BCAP31: variants seen among roughly 807,000 people sequenced by gnomAD.
BCAP31 encodes B-cell receptor-associated protein 31.
For synonymous variants in BCAP31, 75 were observed against 80.9 expected, an observed-to-expected ratio of 0.93 and a Z score of 0.39; for missense variants, 124 against 193.0, an observed-to-expected ratio of 0.64 and a Z score of 2.12.
chrX:153,711,463 C>T (rs1368870892), intron 4 of BCAP31, among the ~76,000 whole-genome samples: 3 of 112,545 alleles, frequency 2.7e-5, no homozygotes, highest in Non-Finnish European at 5.6e-5. Context: ...ACTAGGCAGG[C>T]TCTCTACCAC....
intron 3 of BCAP31, among the ~76,000 whole-genome samples, chrX:153,715,915 T>C: frequency 9.2e-6 from 1 of 108,832 alleles, no homozygotes; most frequent in East Asian, 2.9e-4. Flanking sequence ...CTCAGCACTT[T>C]GGGAGGCAGA....
At chrX:153,713,818 T>A (rs1557049563) in intron 4 of BCAP31, among the ~76,000 whole-genome samples, 6 of 107,544 alleles carry the variant, frequency 5.6e-5, no homozygotes, top group Admixed American at 5.0e-4. Flanking sequence ...TGCCTTCTCC[T>A]CACTTCTCCA....
chrX:153,715,021 CA>C (rs1557049828), intron 4 of BCAP31, among the ~76,000 whole-genome samples: 1 of 111,517 alleles, frequency 9.0e-6, no homozygotes, highest in Non-Finnish European at 1.9e-5. Context: ...TTAGTTTTAC[CA>C]AAAAAATCAT....
At chrX:153,703,869 G>C in intron 5 of BCAP31, 90 bp downstream of exon 5, 7 of 1,132,515 alleles carry the variant, frequency 6.2e-6, no homozygotes, top group Non-Finnish European at 8.4e-6. Context: ...CAGCGTGACA[G>C]GCTAGCAGTG....
At chrX:153,719,623 G>A (rs2091651386) in intron 3 of BCAP31, among the ~76,000 whole-genome samples, 1 of 111,232 alleles carries the variant, frequency 9.0e-6, no homozygotes, top group Admixed American at 9.5e-5. Flanking sequence ...CACCCGCTCA[G>A]TGTTTCTGCT....
At chrX:153,707,372 TA>T (rs376704246) in intron 4 of BCAP31, among the ~76,000 whole-genome samples, 66 of 92,136 alleles carry the variant, frequency 7.2e-4, no homozygotes, top group East Asian at 7.2e-4. Context: ...CAAGTATAGC[TA>T]AAAAAAAAAA....
chrX:153,723,478 C>T, intron 1 of BCAP31, 190 bp from the exon 2 acceptor site: 2 of 1,151,044 alleles, frequency 1.7e-6, no homozygotes, highest in Non-Finnish European at 1.2e-6. Flanking sequence ...GTTCACAGGC[C>T]CCACAAACTT....
intron 3 of BCAP31, among the ~76,000 whole-genome samples, chrX:153,720,347 G>A (rs949579660): frequency 1.1e-4 from 11 of 104,476 alleles, no homozygotes; most frequent in Admixed American, 8.2e-4. Context: ...ATAAGCCCAC[G>A]CCCACTGCTA....
intron 3 of BCAP31, among the ~76,000 whole-genome samples, chrX:153,717,308 G>A (rs782470120): frequency 8.9e-5 from 10 of 112,396 alleles, no homozygotes; most frequent in African/African-American, 2.3e-4. Flanking sequence ...ATTGAGCCAC[G>A]CCAAACCTAC....
At chrX:153,711,468 T>C (rs782755169) in intron 4 of BCAP31, among the ~76,000 whole-genome samples, 2 of 112,496 alleles carry the variant, frequency 1.8e-5, no homozygotes, top group South Asian at 7.3e-4. Context: ...GCAGGCTCTC[T>C]ACCACGCAGA....
In BCAP31 at chrX:153,703,998, C is replaced by T. The variant is rs1557047921; in HGVS notation, c.438G>A (p.Ala146=). The T allele has an allele frequency of 5.8e-6, 7 of 1,211,791 alleles. No individual in the cohort carries two copies. Among genetic ancestry groups the T allele is most frequent in the East Asian group, 3.0e-5 (1 of 33,843 alleles). ...CATTCTCCTCCATGTACTTCTTGGC[C>T]GCCTCACTAGCACTCTCCGCCTGCT... ...FKKQAESASE[A]AKKYMEENDQ... Residue 146 remains alanine (A), a synonymous_variant, in exon 5 of 8, where the codon GCG becomes GCA. Transcript: ENST00000345046.
In BCAP31 at chrX:153,700,838, G is replaced by C. The variant is rs1346673330; in HGVS notation, c.*99C>G. ...TGGAAGGGAATGGGGGAAGCAGAAG[G>C]GCACAAACAGAAGTACTGGAGGGAG... On this transcript the variant is annotated 3_prime_UTR_variant, in exon 8 of 8. Coordinates refer to ENST00000345046, the MANE Select transcript of BCAP31 (RefSeq NM_001256447.2). 2 of 856,794 alleles carry C rather than the reference G, an allele frequency of 2.3e-6. No individual in the cohort carries two copies. Among genetic ancestry groups the C allele is most frequent in the African/African-American group, 4.1e-5 (2 of 49,253 alleles). The allele number at this position is 856,794 out of a possible 1,213,427, so 70.6% of individuals were successfully genotyped here.
Position 153,715,682 on chromosome X carries a change from C to T in BCAP31, c.201G>A (p.Val67=). 1 of 1,211,578 alleles carries T rather than the reference C, an allele frequency of 8.3e-7. No homozygotes were observed. Among genetic ancestry groups the T allele is most frequent in the Non-Finnish European group, 1.1e-6 (1 of 895,326 alleles). ...CATCATCATACTTCCGAATTTCGCG[C>T]ACGGCATCTGTGGTGGAGCAGAGAG... The part of the protein sequence containing the change: ...VILVLLVIDA[V]REIRKYDDVT... Residue 67 remains valine (V), a synonymous_variant, in exon 4 of 8, where the codon GTG becomes GTA. Transcript: ENST00000345046.
intron 4 of BCAP31, among the ~76,000 whole-genome samples, chrX:153,708,045 G>A (rs2002303423): frequency 8.9e-6 from 1 of 112,806 alleles, no homozygotes; most frequent in African/African-American, 3.2e-5. Flanking sequence ...CAGATACAGG[G>A]TGGTCACCAA....
At chrX:153,723,509 TG>T (rs1557051542) in intron 1 of BCAP31, 1 of 1,160,328 alleles carries the variant, frequency 8.6e-7, no homozygotes, top group Non-Finnish European at 1.2e-6. Context: ...GTCAATTACC[TG>T]CCCCCTCCAG....
At chrX:153,703,743 A>T (rs2091534900) in intron 5 of BCAP31, among the ~76,000 whole-genome samples, 1 of 112,041 alleles carries the variant, frequency 8.9e-6, no homozygotes, top group South Asian at 3.7e-4. Flanking sequence ...GAGAGCAGCA[A>T]CACCCTCCTC....
intron 7 of BCAP31, among the ~76,000 whole-genome samples, 177 bp from the exon 8 acceptor site, chrX:153,701,152 G>A (rs1287790656): frequency 1.8e-5 from 2 of 112,074 alleles, no homozygotes; most frequent in Non-Finnish European, 3.8e-5. Context: ...GGGTGGGAGC[G>A]TCAGCCCTGG....
At chrX:153,717,979 A>G (rs1557050386) in intron 3 of BCAP31, among the ~76,000 whole-genome samples, 1 of 112,114 alleles carries the variant, frequency 8.9e-6, no homozygotes, top group East Asian at 2.8e-4. Flanking sequence ...GCACAACCAC[A>G]TGAGAGAATA....
Position 153,715,409 on chromosome X carries a change from G to C in BCAP31, c.341+133C>G, listed in dbSNP as rs1483710368. The C allele has an allele frequency of 4.1e-6, 4 of 973,610 alleles. No individual in the cohort carries two copies. The African/African-American group carries it at 7.8e-5, about 19-fold the overall frequency. The allele number at this position is 973,610 out of a possible 1,213,427, so 80.2% of individuals were successfully genotyped here. On this transcript the variant is annotated intron_variant, in intron 4 of 7. Transcript: ENST00000345046. The stretch of plus-strand genomic sequence containing the variant: ...CTATGTGGCTTCCCTAACACAGACA[G>C]GGCTTTGGGATCCAGGCCACAGACT...
Sources: gnomAD v4.1 joint callset for allele counts (sites outside exome capture counted in the v4.1 genomes callset) on GRCh38, gnomAD v4.1.1 for gene constraint, MANE v1.5 for transcripts, NCBI Gene and HGNC (gene_info 2026-07-23, HGNC 2026-07-21) for gene names.